The following CDC42BPA variants were observed in gnomAD, a reference collection of about 807,000 sequenced individuals.
CDC42BPA encodes the protein serine/threonine-protein kinase MRCK alpha.
A neutral mutation model predicts 223.5 loss-of-function variants in CDC42BPA; 80 were observed. That is an observed-to-expected ratio of 0.36 (90% confidence interval 0.30 to 0.43). CDC42BPA has a LOEUF of 0.43. Among genes scored for constraint, CDC42BPA ranks in the 20% least tolerant of loss-of-function variants. The probability of loss-of-function intolerance (pLI) is 1.00; values close to 1 mark genes in which losing one functional copy is unlikely to be tolerated. For missense variants in CDC42BPA, 1,743 were observed against 2,099.9 expected (o/e 0.83, Z 3.32); for synonymous variants, 694 against 718.6 (o/e 0.97, Z 0.55).
intron 5 of CDC42BPA, among the ~76,000 whole-genome samples, chr1:227,182,154 T>C (rs938765137): frequency 2.6e-5 from 4 of 152,234 alleles, no homozygotes; most frequent in Non-Finnish European, 2.9e-5. Flanking sequence ...CTCTAACACC[T>C]GGAGTCCTCA....
In CDC42BPA at chr1:227,193,577, T is replaced by C. The variant is rs1021509850; in HGVS notation, c.599+209A>G. On this transcript the variant is annotated intron_variant, in intron 5 of 36. Transcript: ENST00000366766. ...AACTTTTAGATACTATACATGTACA[T>C]GTATGTATAAGCAGGCACATCGGTT... is the stretch of plus-strand genomic sequence containing the variant. 7 of 515,222 alleles carry C rather than the reference T, an allele frequency of 1.4e-5. No homozygotes were observed. The Middle Eastern group carries it at 1.4e-3, about 106-fold the overall frequency. 31.9% of individuals were successfully genotyped at this position (515,222 alleles called of 1,614,324 possible). A position where few individuals can be genotyped will look rare whatever the true frequency, so the allele number is the denominator to read the frequency against.
Position 227,236,411 on chromosome 1 carries a change from A to G in CDC42BPA, c.270+17653T>C, listed in dbSNP as rs139496757. On this transcript the variant is annotated intron_variant, in intron 2 of 36. Coordinates refer to ENST00000366766, the MANE Select transcript of CDC42BPA (RefSeq NM_001394014.1). ...TGATTTTTTATCTGCTTATCAATTT[A>G]TGATATAGGAATATTAAAAGTGCTA... 1.0e-2 allele frequency among the ~76,000 whole-genome samples: 1,517 copies of G among 152,258 alleles called. 17 individuals are homozygous for G. The highest frequency in any genetic ancestry group is 0.019 in the South Asian group (91 of 4,816).
chr1:227,303,011 T>G (rs1343700465), intron 1 of CDC42BPA, among the ~76,000 whole-genome samples: 4 of 151,722 alleles, frequency 2.6e-5, no homozygotes, highest in Admixed American at 6.6e-5. Flanking sequence ...TTTTGGGTTT[T>G]TTTTTTTTTT....
intron 32 of CDC42BPA, among the ~76,000 whole-genome samples, chr1:227,022,946 G>A (rs981784621): frequency 6.6e-6 from 1 of 152,086 alleles, no homozygotes; most frequent in Non-Finnish European, 1.5e-5. Context: ...TACAAATTTT[G>A]GTTAGGTTCT....
chr1:227,223,889 A>G (rs1391250209), intron 2 of CDC42BPA, among the ~76,000 whole-genome samples: 2 of 152,206 alleles, frequency 1.3e-5, no homozygotes, highest in African/African-American at 4.8e-5. Context: ...GACACTCTAC[A>G]CTGTACAGTA....
intron 5 of CDC42BPA, among the ~76,000 whole-genome samples, chr1:227,168,442 T>C (rs901341774): frequency 3.3e-5 from 5 of 151,248 alleles, no homozygotes; most frequent in African/African-American, 1.2e-4. Flanking sequence ...TGGATTTCAA[T>C]AGTTTCACTA....
intron 2 of CDC42BPA, among the ~76,000 whole-genome samples, chr1:227,220,282 T>TTTTTTATA (rs748787987): frequency 5.0e-5 from 5 of 100,900 alleles, no homozygotes; most frequent in Non-Finnish European, 9.7e-5. Context: ...AAAAGTCATG[T>TTTTTTATA]TATATATATA....
intron 2 of CDC42BPA, 144 bp downstream of exon 2, chr1:227,253,920 C>T (rs1383151396): frequency 6.0e-6 from 4 of 661,872 alleles, no homozygotes; most frequent in Middle Eastern, 2.5e-4. Flanking sequence ...TCAATCACAA[C>T]AGCACAATCA....
At chr1:227,264,078 G>A (rs1305471337) in intron 1 of CDC42BPA, among the ~76,000 whole-genome samples, 1 of 152,194 alleles carries the variant, frequency 6.6e-6, no homozygotes, top group Non-Finnish European at 1.5e-5. Context: ...GTCTATTCAT[G>A]AAGACAGCTG....
chr1:227,190,198 T>C (rs1669481519), intron 5 of CDC42BPA, among the ~76,000 whole-genome samples: 1 of 152,176 alleles, frequency 6.6e-6, no homozygotes, highest in African/African-American at 2.4e-5. Context: ...TACAGAGTCT[T>C]CTCATCCTTC....
At position 227,317,755 on chromosome 1, in the gene CDC42BPA, C is replaced by G; in HGVS notation, c.-573G>C. On this transcript the variant is annotated 5_prime_UTR_variant, in exon 1 of 37. Coordinates refer to ENST00000366766, the MANE Select transcript of CDC42BPA (RefSeq NM_001394014.1). ...TTGGATAATGCATCAGCGGCAATTTCTCCAGCGGGAAAGGGAGGGGGCGAG... is the reference window on the plus strand; with the variant it reads ...TTGGATAATGCATCAGCGGCAATTTGTCCAGCGGGAAAGGGAGGGGGCGAG... 2.5e-6 allele frequency: 1 copy of G among 398,576 alleles called. No homozygotes were observed. The highest frequency in any genetic ancestry group is 4.4e-6 in the Non-Finnish European group (1 of 226,112). 24.7% of individuals were successfully genotyped at this position (398,576 alleles called of 1,614,324 possible).
At chr1:227,126,121 C>G (rs1434249848) in intron 11 of CDC42BPA, among the ~76,000 whole-genome samples, 1 of 151,888 alleles carries the variant, frequency 6.6e-6, no homozygotes, top group Non-Finnish European at 1.5e-5. Flanking sequence ...CATTCAAGCA[C>G]TGGCTTACAA....
intron 4 of CDC42BPA, among the ~76,000 whole-genome samples, chr1:227,197,892 T>C (rs560892791): frequency 2.6e-5 from 4 of 152,280 alleles, no homozygotes; most frequent in South Asian, 2.1e-4. Flanking sequence ...CTTTGCATGA[T>C]ACATTCATCC....
intron 35 of CDC42BPA, among the ~76,000 whole-genome samples, chr1:226,999,301 C>T (rs898540822): frequency 2.6e-5 from 4 of 151,830 alleles, no homozygotes; most frequent in Admixed American, 1.3e-4. Flanking sequence ...CTCAGCCTCT[C>T]GAGTGGCTGG....
At chr1:227,269,495 A>T (rs760623480) in intron 1 of CDC42BPA, among the ~76,000 whole-genome samples, 1 of 152,222 alleles carries the variant, frequency 6.6e-6, no homozygotes, top group Non-Finnish European at 1.5e-5. Context: ...TATAGCCAGA[A>T]GTATTAATAA....
At chr1:227,162,597 G>A (rs1572062582) in intron 5 of CDC42BPA, among the ~76,000 whole-genome samples, 2 of 152,168 alleles carry the variant, frequency 1.3e-5, no homozygotes, top group African/African-American at 2.4e-5. Flanking sequence ...AAAGGAGGCC[G>A]AGGAGGGAGG....
intron 12 of CDC42BPA, among the ~76,000 whole-genome samples, chr1:227,113,952 A>C (rs1039632318): frequency 1.3e-5 from 2 of 149,622 alleles, no homozygotes; most frequent in African/African-American, 4.9e-5. Flanking sequence ...TGGGAGGCTG[A>C]GGCTGCAGGG....
intron 2 of CDC42BPA, among the ~76,000 whole-genome samples, chr1:227,221,754 C>T (rs866824827): frequency 6.6e-5 from 10 of 152,122 alleles, no homozygotes; most frequent in Middle Eastern, 3.4e-3. Context: ...CTTTGACCTT[C>T]TCCTGCTCTG....
At chr1:227,001,169 T>C (rs980146391) in intron 35 of CDC42BPA, among the ~76,000 whole-genome samples, 5 of 152,244 alleles carry the variant, frequency 3.3e-5, no homozygotes, top group Non-Finnish European at 4.4e-5. Flanking sequence ...CCTGTGCTTC[T>C]TGCTGTAGAG....
Sources: allele counts gnomAD v4.1 joint callset (sites outside exome capture counted in the v4.1 genomes callset), GRCh38; gene constraint gnomAD v4.1.1; transcripts MANE v1.5; gene names NCBI Gene and HGNC (gene_info 2026-07-23, HGNC 2026-07-21).